The following GALNT17 variants were observed in gnomAD, a reference collection of about 807,000 sequenced individuals.
The protein encoded by GALNT17 is UDP-GalNAc:polypeptide N-acetylgalactosaminyltransferase-like 3.
In GALNT17, 29 loss-of-function variants were observed where a neutral mutation model predicts 63.7. The observed-to-expected ratio is 0.46, with a 90% CI of 0.34 to 0.62. The LOEUF is 0.62. GALNT17 is among the 20% of genes least tolerant of loss of function. The pLI, the probability that GALNT17 is intolerant of heterozygous loss-of-function variation, is 0.01. For missense variants in GALNT17, 603 were observed against 799.6 expected (o/e 0.75, Z 2.97); for synonymous variants, 305 against 318.3 (o/e 0.96, Z 0.45).
At chr7:71,397,207 C>T (rs142805638) in intron 3 of GALNT17, among the ~76,000 whole-genome samples, 3 of 152,116 alleles carry the variant, frequency 2.0e-5, no homozygotes, top group African/African-American at 7.2e-5. Flanking sequence ...ACCCATATAC[C>T]TTCCTAAGGG....
chr7:71,334,991 A>C (rs1400845893), intron 1 of GALNT17, among the ~76,000 whole-genome samples: 2 of 152,202 alleles, frequency 1.3e-5, no homozygotes. Context: ...AAAGGGAAAC[A>C]GGCGTGAATA....
At chr7:71,171,619 T>G (rs1197265050) in intron 1 of GALNT17, among the ~76,000 whole-genome samples, 1 of 152,256 alleles carries the variant, frequency 6.6e-6, no homozygotes, top group East Asian at 1.9e-4. Flanking sequence ...TTCTGAAGTT[T>G]CTGTGCTATT....
intron 3 of GALNT17, among the ~76,000 whole-genome samples, chr7:71,402,716 C>A (rs184637147): frequency 1.4e-5 from 2 of 139,992 alleles, no homozygotes; most frequent in African/African-American, 6.7e-5. Context: ...GAAGGTTATA[C>A]CCTCTGCACT....
Position 71,446,525 on chromosome 7 carries a change from C to G in GALNT17, c.962+25420C>G, listed in dbSNP as rs115166056. Among the ~76,000 whole-genome samples the G allele has an allele frequency of 5.4e-3, 827 of 152,276 alleles. 9 individuals carry two copies. Among genetic ancestry groups the G allele is most frequent in the African/African-American group, 0.019 (788 of 41,566 alleles). ...TATATATTCTACAAGGCTCTACCTA[C>G]TCTTTAGAGGTACCACTTTATTTAT... is the stretch of plus-strand genomic sequence containing the variant. On this transcript the variant is annotated intron_variant, in intron 5 of 10. Coordinates refer to ENST00000333538, the MANE Select transcript of GALNT17 (RefSeq NM_022479.3).
intron 6 of GALNT17, among the ~76,000 whole-genome samples, chr7:71,661,105 G>C (rs1790901417): frequency 1.3e-5 from 2 of 152,292 alleles, no homozygotes; most frequent in Non-Finnish European, 2.9e-5. Flanking sequence ...GCTCACTGTG[G>C]TTACAATGCA....
intron 1 of GALNT17, among the ~76,000 whole-genome samples, chr7:71,312,451 G>A (rs1211533361): frequency 6.6e-6 from 1 of 152,194 alleles, no homozygotes; most frequent in Non-Finnish European, 1.5e-5. Flanking sequence ...TGAAAATTGA[G>A]TACAATTATC....
chr7:71,181,750 A>C (rs1788738995), intron 1 of GALNT17, among the ~76,000 whole-genome samples: 1 of 152,084 alleles, frequency 6.6e-6, no homozygotes, highest in South Asian at 2.1e-4. Context: ...GGTGGCACAC[A>C]CCTATAGTCC....
At chr7:71,611,120 C>T (rs879793987) in intron 6 of GALNT17, among the ~76,000 whole-genome samples, 5 of 152,098 alleles carry the variant, frequency 3.3e-5, no homozygotes, top group Admixed American at 2.0e-4. Flanking sequence ...CAGATTATCT[C>T]GCAGCAAAAC....
intron 1 of GALNT17, among the ~76,000 whole-genome samples, chr7:71,230,718 G>A (rs1226819241): frequency 1.3e-5 from 2 of 152,152 alleles, no homozygotes; most frequent in Admixed American, 1.3e-4. Context: ...GACCCTGCCC[G>A]GGAGGTTAGG....
intron 5 of GALNT17, among the ~76,000 whole-genome samples, chr7:71,446,251 CT>C (rs914215060): frequency 2.1e-4 from 32 of 152,166 alleles, no homozygotes; most frequent in African/African-American, 7.2e-4. Flanking sequence ...TGTAAAAATA[CT>C]TTTTTTATTA....
chr7:71,388,876 C>T (rs746503429), intron 3 of GALNT17, among the ~76,000 whole-genome samples: 20 of 152,056 alleles, frequency 1.3e-4, no homozygotes, highest in Non-Finnish European at 2.5e-4. Flanking sequence ...TCTATTATTC[C>T]TTGAGTCCTC....
At chr7:71,532,294 A>G (rs888917082) in intron 5 of GALNT17, among the ~76,000 whole-genome samples, 4 of 152,136 alleles carry the variant, frequency 2.6e-5, no homozygotes, top group Non-Finnish European at 5.9e-5. Context: ...TAATCAGAAT[A>G]TATAATCAGG....
At chr7:71,236,202 A>AT (rs1035381527) in intron 1 of GALNT17, among the ~76,000 whole-genome samples, 49 of 151,970 alleles carry the variant, frequency 3.2e-4, no homozygotes, top group African/African-American at 1.1e-3. Context: ...AATAAAAAAA[A>AT]AAATAAAAAT....
chr7:71,638,858 C>T (rs1397116396), intron 6 of GALNT17, among the ~76,000 whole-genome samples: 2 of 152,044 alleles, frequency 1.3e-5, no homozygotes, highest in African/African-American at 4.8e-5. Flanking sequence ...CATGGTCTCA[C>T]TTATTTGTGG....
intron 5 of GALNT17, among the ~76,000 whole-genome samples, chr7:71,521,169 C>T (rs1200497913): frequency 6.6e-6 from 1 of 151,946 alleles, no homozygotes; most frequent in African/African-American, 2.4e-5. Flanking sequence ...TCCAGCTTGG[C>T]ATGTACACTT....
chr7:71,482,496 G>A (rs112221525), intron 5 of GALNT17, among the ~76,000 whole-genome samples: 2,115 of 152,234 alleles, frequency 0.014, 43 homozygotes, highest in African/African-American at 0.049. Flanking sequence ...TTTCATCATT[G>A]AGCAAACATT....
chr7:71,297,721 C>T (rs528642860), intron 1 of GALNT17, among the ~76,000 whole-genome samples: 4 of 152,318 alleles, frequency 2.6e-5, no homozygotes, highest in South Asian at 4.1e-4. Context: ...AACAAACTGA[C>T]ATATTCATTC....
chr7:71,665,329 G>A, intron 6 of GALNT17, 82 bp from the exon 7 acceptor site: 1 of 1,414,236 alleles, frequency 7.1e-7, no homozygotes. Context: ...AAAGTCAGCT[G>A]AACCATTGCT....
intron 5 of GALNT17, among the ~76,000 whole-genome samples, chr7:71,515,425 C>CTAAGT (rs1339115225): frequency 2.6e-5 from 4 of 152,230 alleles, no homozygotes; most frequent in Admixed American, 2.0e-4. Context: ...ATGTAACAAG[C>CTAAGT]TACATCACCT....
Sources: gnomAD v4.1 joint callset for allele counts (sites outside exome capture counted in the v4.1 genomes callset) on GRCh38, gnomAD v4.1.1 for gene constraint, MANE v1.5 for transcripts, NCBI Gene and HGNC (gene_info 2026-07-23, HGNC 2026-07-21) for gene names.